RAB37: variants seen among roughly 807,000 people sequenced by gnomAD.
RAB37 encodes RAB37, member RAS oncogene family.
A neutral mutation model predicts 33.1 loss-of-function variants in RAB37; 29 were observed. That is an observed-to-expected ratio of 0.88 (90% CI 0.65 to 1.20). The LOEUF is 1.20. RAB37 is among the 50% of genes most tolerant of loss of function. RAB37 has a pLI of 0.00. For synonymous variants in RAB37, 128 were observed against 119.5 expected, an observed-to-expected ratio of 1.07 and a Z score of -0.47; for missense variants, 299 against 301.1, an observed-to-expected ratio of 0.99 and a Z score of 0.05.
At chr17:74,733,225 T>C (rs973588437), upstream of RAB37, among the ~76,000 whole-genome samples, 1 of 152,102 alleles carries the variant, frequency 6.6e-6, no homozygotes, top group African/African-American at 2.4e-5. Flanking sequence ...GATGTGTATG[T>C]ATGTGGTATG....
chr17:74,711,674 T>C (rs1446653874), intron 1 of RAB37, among the ~76,000 whole-genome samples: 1 of 152,146 alleles, frequency 6.6e-6, no homozygotes, highest in African/African-American at 2.4e-5. Flanking sequence ...TCCCTGTGCC[T>C]GGAAAGCTGG....
intron 1 of RAB37, among the ~76,000 whole-genome samples, chr17:74,714,543 C>G (rs557408377): frequency 6.6e-6 from 1 of 152,062 alleles, no homozygotes; most frequent in Non-Finnish European, 1.5e-5. Flanking sequence ...TACTGCTGTA[C>G]CCCAGCCCAC....
chr17:74,687,230 A>G (rs2032071981), intron 1 of RAB37, among the ~76,000 whole-genome samples: 1 of 150,240 alleles, frequency 6.7e-6, no homozygotes, highest in South Asian at 2.1e-4. Flanking sequence ...TTATTTATTT[A>G]TTTATTTATT....
In RAB37 at chr17:74,744,774, C is replaced by G; in HGVS notation, c.433-99C>G. ...TCACACCTGCCTGCAGTCCCTTGGG[C>G]CACCAGCAGAGGGCAGGCAACGCCT... is the stretch of plus-strand genomic sequence containing the variant. On this transcript the variant is annotated intron_variant, in intron 6 of 8. Transcript: ENST00000392613. This position sits in a 1 kb window ranked among gnomAD's most constrained non-coding sequence, Gnocchi z 4.2. 1 of 1,417,456 alleles carries G rather than the reference C, an allele frequency of 7.1e-7. No homozygotes were observed. The highest frequency in any genetic ancestry group is 2.3e-5 in the East Asian group (1 of 43,934). 87.8% of individuals were successfully genotyped at this position (1,417,456 alleles called of 1,614,324 possible).
chr17:74,712,887 C>G, intron 1 of RAB37: 1 of 1,613,548 alleles, frequency 6.2e-7, no homozygotes, highest in South Asian at 1.1e-5. Flanking sequence ...GACAGGTCCC[C>G]GTTCCCCTCA....
chr17:74,681,582 T>C (rs1251329165), intron 1 of RAB37, among the ~76,000 whole-genome samples: 2 of 152,150 alleles, frequency 1.3e-5, no homozygotes. Flanking sequence ...GGGATGACAG[T>C]GTGGCACACA....
In RAB37 at chr17:74,745,111, G is replaced by A; in HGVS notation, c.566+27G>A. 1 of 1,612,668 alleles carries A rather than the reference G, an allele frequency of 6.2e-7. No individual in the cohort carries two copies. The highest frequency in any genetic ancestry group is 8.5e-7 in the Non-Finnish European group (1 of 1,178,938). ...TGAGAGCTGGGCAGGGAAGGGAAGTGTGCGGGGCAGGGCGGCACACTCCAG... is the reference window on the plus strand; with the variant it reads ...TGAGAGCTGGGCAGGGAAGGGAAGTATGCGGGGCAGGGCGGCACACTCCAG... On this transcript the variant is annotated intron_variant, in intron 8 of 8. Transcript: ENST00000392613. The surrounding 1 kb of genome is among the most constrained non-coding windows in gnomAD (Gnocchi z 4.5).
chr17:74,704,569 A>C lies in RAB37; in HGVS notation c.73-24687A>C, dbSNP rs371970741. 7.4e-6 allele frequency: 12 copies of C among 1,613,996 alleles called. No homozygotes were observed. The African/African-American group carries it at 1.6e-4, about 22-fold the overall frequency. On this transcript the variant is annotated intron_variant, in intron 1 of 7. Coordinates refer to the RAB37 transcript ENST00000340415. Reference sequence around the variant, plus strand: ...AAGTGTCAGCATCAGTTTTCATGAGATCCTCCATGGTCACAGTGAACGTGC... The same window carrying C: ...AAGTGTCAGCATCAGTTTTCATGAGCTCCTCCATGGTCACAGTGAACGTGC...
intron 1 of RAB37, among the ~76,000 whole-genome samples, chr17:74,700,151 A>ATAAG (rs2032907708): frequency 6.7e-6 from 1 of 149,640 alleles, no homozygotes; most frequent in African/African-American, 2.5e-5. Flanking sequence ...CAATAAATAA[A>ATAAG]TAAATAAATA....
At position 74,746,253 on chromosome 17, in the gene RAB37, C is replaced by T. The variant is rs920571268; in HGVS notation, c.*842C>T. ...TTTTTATTTTTTTGAAATGGAGTCTCGTTCTGTCGCCCAGGCTGAGGTGCA... is the reference window on the plus strand; with the variant it reads ...TTTTTATTTTTTTGAAATGGAGTCTTGTTCTGTCGCCCAGGCTGAGGTGCA... On this transcript the variant is annotated 3_prime_UTR_variant, in exon 9 of 9. Transcript: ENST00000392613. This position sits in a 1 kb window ranked among gnomAD's most constrained non-coding sequence, Gnocchi z 5.2. The T allele has an allele frequency of 1.3e-5, 2 of 152,114 alleles. No homozygotes were observed. Among genetic ancestry groups the T allele is most frequent in the African/African-American group, 4.8e-5 (2 of 41,404 alleles). 9.4% of individuals were successfully genotyped at this position (152,114 alleles called of 1,614,324 possible).
chr17:74,683,304 T>C (rs2031990220), intron 1 of RAB37, among the ~76,000 whole-genome samples: 1 of 152,106 alleles, frequency 6.6e-6, no homozygotes, highest in African/African-American at 2.4e-5. Flanking sequence ...AAGAGGTTGA[T>C]TGGAGCAGGG....
intron 5 of RAB37, among the ~76,000 whole-genome samples, chr17:74,743,869 T>C (rs1488628783): frequency 6.6e-6 from 1 of 152,134 alleles, no homozygotes; most frequent in Non-Finnish European, 1.5e-5. Context: ...ACTAGGAGAA[T>C]AAAACGTTTA....
chr17:74,712,650 C>T (rs1427106053), intron 1 of RAB37, among the ~76,000 whole-genome samples: 3 of 152,328 alleles, frequency 2.0e-5, no homozygotes, highest in Middle Eastern at 3.4e-3. Flanking sequence ...GAAGGTCATG[C>T]CCTGTATTCC....
intron 1 of RAB37, among the ~76,000 whole-genome samples, chr17:74,696,822 T>G (rs1002489277): frequency 2.0e-5 from 3 of 152,174 alleles, no homozygotes; most frequent in Non-Finnish European, 2.9e-5. Flanking sequence ...AAAAGTTGTC[T>G]GCAGAGACAG....
At chr17:74,711,784 C>T (rs1366108900) in intron 1 of RAB37, among the ~76,000 whole-genome samples, 1 of 152,130 alleles carries the variant, frequency 6.6e-6, no homozygotes, top group Non-Finnish European at 1.5e-5. Context: ...CTTACAGCAT[C>T]CCCCTACCTG....
At chr17:74,710,013 C>T (rs998238717) in intron 1 of RAB37, among the ~76,000 whole-genome samples, 3 of 152,202 alleles carry the variant, frequency 2.0e-5, no homozygotes, top group African/African-American at 7.2e-5. Context: ...GAGTCAGGCT[C>T]TGTCGCCCAG....
intron 1 of RAB37, among the ~76,000 whole-genome samples, chr17:74,690,096 C>T (rs35401355): frequency 1.1e-4 from 16 of 152,044 alleles, no homozygotes; most frequent in African/African-American, 2.9e-4. Flanking sequence ...GGTCTACAGT[C>T]GTGCACAACC....
chr17:74,712,892 C>A, intron 1 of RAB37: 1 of 1,613,106 alleles, frequency 6.2e-7, no homozygotes, highest in South Asian at 1.1e-5. Context: ...GTCCCCGTTC[C>A]CCTCAGTGGA....
intron 2 of RAB37, among the ~76,000 whole-genome samples, chr17:74,741,230 A>G (rs1304772256): frequency 6.6e-6 from 1 of 152,118 alleles, no homozygotes; most frequent in East Asian, 1.9e-4. Context: ...CCCTTTGGAA[A>G]GGCCTCAAAG....
Sources: gnomAD v4.1 joint callset for allele counts (sites outside exome capture counted in the v4.1 genomes callset) on GRCh38, gnomAD v4.1.1 for gene constraint, Gnocchi (gnomAD v3.1) non-coding constraint, MANE v1.5 for transcripts, NCBI Gene and HGNC (gene_info 2026-07-23, HGNC 2026-07-21) for gene names.